The following MET variants were observed in gnomAD, a reference collection of about 807,000 sequenced individuals.
MET encodes hepatocyte growth factor receptor.
Under a neutral mutation model 133.1 loss-of-function variants are expected in MET, and 48 were observed. The observed-to-expected ratio is 0.36, with a 90% confidence interval of 0.29 to 0.46. The LOEUF (loss-of-function observed/expected upper bound fraction) is 0.46. Ranked by LOEUF, MET falls within the 20% of genes least tolerant of loss-of-function variation. The pLI is 1.00. For synonymous variants in MET, 628 were observed against 616.5 expected (o/e 1.02, Z -0.28); for missense variants, 1,442 against 1,695.9 (o/e 0.85, Z 2.63).
chr7:116,744,569 G>A (rs1274644399), intron 5 of MET, among the ~76,000 whole-genome samples: 1 of 152,206 alleles, frequency 6.6e-6, no homozygotes, highest in African/African-American at 2.4e-5. Context: ...TTTGATTGGT[G>A]TACCTGAAAG....
chr7:116,745,118 AT>A (rs1793617147), intron 5 of MET, among the ~76,000 whole-genome samples: 1 of 152,202 alleles, frequency 6.6e-6, no homozygotes, highest in African/African-American at 2.4e-5. Context: ...AATCACAAGC[AT>A]TTTTATACAC....
intron 13 of MET, 66 bp from the exon 14 acceptor site, chr7:116,771,783 G>T (rs1794841949): frequency 6.2e-7 from 1 of 1,611,972 alleles, no homozygotes; most frequent in South Asian, 1.1e-5. Context: ...CTGGGCACTG[G>T]GTCAAAGTCT....
intron 10 of MET, among the ~76,000 whole-genome samples, chr7:116,762,281 G>A (rs753311682): frequency 2.6e-5 from 4 of 152,132 alleles, no homozygotes; most frequent in Admixed American, 6.5e-5. Flanking sequence ...AATGGCCTAG[G>A]ATTTATATTC....
chr7:116,692,512 A>G (rs1796811125), intron 1 of MET, among the ~76,000 whole-genome samples: 2 of 152,202 alleles, frequency 1.3e-5, no homozygotes, highest in South Asian at 4.1e-4. Context: ...CTCAATGAAT[A>G]CTTAGAGATT....
In MET at chr7:116,677,026, T is replaced by C. The variant is rs113974855; in HGVS notation, c.-15+4449T>C. 8.0e-3 allele frequency among the ~76,000 whole-genome samples: 1,222 copies of C among 152,104 alleles called. 19 individuals are homozygous for C. The highest frequency in any genetic ancestry group is 0.028 in the African/African-American group (1,170 of 41,478). ...TTTTTTTGTTTTGTTTTGTTTTGTT[T>C]TGTTTTGCATCCGCCTGGTCCCATC... On this transcript the variant is annotated intron_variant, in intron 1 of 20. Transcript: ENST00000397752.
rs1791531151 is a variant in MET, at chr7:116,700,344, G to T, written c.1200+60G>T. On this transcript the variant is annotated intron_variant, in intron 2 of 20. Transcript: ENST00000397752. ...AGGTATAAATTAGAAATAAGTATCA[G>T]TCTCAAAAAGAATATCCAGGGCTTC... The T allele has an allele frequency of 1.9e-6, 3 of 1,547,126 alleles. No individual in the cohort carries two copies. The South Asian group carries it at 3.7e-5, about 19-fold the overall frequency.
chr7:116,753,048 G>C (rs1793990638), intron 5 of MET, among the ~76,000 whole-genome samples: 1 of 152,124 alleles, frequency 6.6e-6, no homozygotes, highest in Admixed American at 6.5e-5. Flanking sequence ...AAATTTTCAG[G>C]AAAGGCACAA....
At chr7:116,734,740 A>T (rs1793148138) in intron 3 of MET, among the ~76,000 whole-genome samples, 1 of 152,216 alleles carries the variant, frequency 6.6e-6, no homozygotes. Context: ...TAAGTGAACA[A>T]TGAGAACGTG....
chr7:116,779,624 C>T (rs546857975), intron 17 of MET, among the ~76,000 whole-genome samples: 1 of 152,054 alleles, frequency 6.6e-6, no homozygotes, highest in African/African-American at 2.4e-5. Context: ...TGAAGCTGCC[C>T]AATACTATGG....
chr7:116,689,693 A>G (rs760224921), intron 1 of MET, among the ~76,000 whole-genome samples: 5 of 147,462 alleles, frequency 3.4e-5, no homozygotes, highest in Non-Finnish European at 5.9e-5. Context: ...CTCAGCTTCC[A>G]CAGTAGCTGG....
At chr7:116,738,510 C>G (rs886446484) in intron 3 of MET, among the ~76,000 whole-genome samples, 2 of 152,186 alleles carry the variant, frequency 1.3e-5, no homozygotes, top group African/African-American at 4.8e-5. Context: ...CCATCCTGAC[C>G]AAGTGACCCT....
At chr7:116,781,948 G>A (rs1196138098) in intron 17 of MET, 40 bp from the exon 18 acceptor site, 1 of 1,210,280 alleles carries the variant, frequency 8.3e-7, no homozygotes, top group Non-Finnish European at 1.2e-6. Flanking sequence ...TAGAACAGTA[G>A]ATGCTTAGTT....
At chr7:116,739,242 A>G (rs1002580125) in intron 3 of MET, among the ~76,000 whole-genome samples, 1 of 152,220 alleles carries the variant, frequency 6.6e-6, no homozygotes, top group Non-Finnish European at 1.5e-5. Context: ...TAGCTGGGAA[A>G]CATCCCAAAT....
intron 19 of MET, among the ~76,000 whole-genome samples, chr7:116,791,668 A>AT (rs1370891482): frequency 3.3e-5 from 5 of 150,888 alleles, no homozygotes; most frequent in Non-Finnish European, 4.4e-5. Flanking sequence ...TTGCCAATGC[A>AT]TTTTTTTTTC....
chr7:116,747,887 C>T (rs536399040), intron 5 of MET, among the ~76,000 whole-genome samples: 1 of 152,338 alleles, frequency 6.6e-6, no homozygotes, highest in Admixed American at 6.5e-5. Context: ...TAAAACACTC[C>T]TCAGCAAATG....
chr7:116,751,534 T>A (rs1421880147), intron 5 of MET, among the ~76,000 whole-genome samples: 1 of 151,984 alleles, frequency 6.6e-6, no homozygotes, highest in African/African-American at 2.4e-5. Context: ...ATGTATGGAG[T>A]TTCACTTTCT....
rs587780736 is a variant in MET at position 116,769,636 on chromosome 7, T to TC, written c.2584-7dup. ...TGTTAACAACCTTTTTTTTTTTTTT[T>TC]CCTTTCAGGGAAATGATATTGACCC... On this transcript the variant is annotated splice_polypyrimidine_tract_variant and intron_variant, in intron 11 of 20. Transcript: ENST00000397752. 6.2e-7 allele frequency: 1 copy of TC among 1,601,250 alleles called. No homozygotes were observed. The highest frequency in any genetic ancestry group is 1.1e-5 in the South Asian group (1 of 90,488).
At position 116,699,331 on chromosome 7, in the gene MET, G is replaced by A. The variant is rs2116583845; in HGVS notation, c.247G>A (p.Glu83Lys). 1 of 1,614,048 alleles carries A rather than the reference G, an allele frequency of 6.2e-7. No individual in the cohort carries two copies. The highest frequency in any genetic ancestry group is 8.5e-7 in the Non-Finnish European group (1 of 1,179,960). ...TGAGGAAGACCTTCAGAAGGTTGCT[G>A]AGTACAAGACTGGGCCTGTGCTGGA... ...LNEEDLQKVAEYKTGPVLEHP... is the reference protein window; with the variant it reads ...LNEEDLQKVAKYKTGPVLEHP... Residue 83 changes from glutamate (E) to lysine (K), a missense_variant, in exon 2 of 21, where the codon GAG becomes AAG. Coordinates refer to ENST00000397752, the MANE Select transcript of MET (RefSeq NM_000245.4).
chr7:116,713,857 TG>T (rs1792094902), intron 2 of MET, among the ~76,000 whole-genome samples: 1 of 152,216 alleles, frequency 6.6e-6, no homozygotes, highest in Non-Finnish European at 1.5e-5. Flanking sequence ...CTGTTTCTAT[TG>T]AATGTGACAC....
Sources: allele counts gnomAD v4.1 joint callset (sites outside exome capture counted in the v4.1 genomes callset), GRCh38; gene constraint gnomAD v4.1.1; transcripts MANE v1.5; gene names NCBI Gene and HGNC (gene_info 2026-07-23, HGNC 2026-07-21).